The following SMYD3 variants were observed in gnomAD, a reference collection of about 807,000 sequenced individuals.
SMYD3 encodes the protein SET and MYND domain containing 3, also known as histone-lysine N-methyltransferase SMYD3.
SMYD3 carries 36 observed loss-of-function variants against 57.7 expected under a neutral mutation model. The observed-to-expected ratio is 0.62, with a 90% CI of 0.48 to 0.82. SMYD3 has a LOEUF of 0.82. Among genes scored for constraint, SMYD3 ranks in the 40% least tolerant of loss-of-function variants. The pLI, the probability that SMYD3 is intolerant of heterozygous loss-of-function variation, is 0.00. For synonymous variants in SMYD3, 211 were observed against 195.0 expected, an observed-to-expected ratio of 1.08 and a Z score of -0.68; for missense variants, 515 against 538.8, an observed-to-expected ratio of 0.96 and a Z score of 0.44.
chr1:246,139,828 TGGAAA>T (rs763041829), intron 5 of SMYD3, among the ~76,000 whole-genome samples: 4 of 152,220 alleles, frequency 2.6e-5, no homozygotes, highest in Non-Finnish European at 5.9e-5. Context: ...AGAATCCTGC[TGGAAA>T]GGAAAGAGCA....
intron 5 of SMYD3, among the ~76,000 whole-genome samples, chr1:246,267,525 G>A (rs1302749936): frequency 2.0e-5 from 3 of 152,158 alleles, no homozygotes; most frequent in African/African-American, 7.2e-5. Context: ...TCAAATGCCA[G>A]CAAACTGTTC....
intron 7 of SMYD3, among the ~76,000 whole-genome samples, chr1:245,918,414 T>A (rs911390705): frequency 6.6e-6 from 1 of 152,120 alleles, no homozygotes; most frequent in South Asian, 2.1e-4. Context: ...TTAAGGAGTG[T>A]CCGTAGCACC....
At chr1:245,824,593 C>T (rs1418759923) in intron 10 of SMYD3, among the ~76,000 whole-genome samples, 9 of 152,160 alleles carry the variant, frequency 5.9e-5, no homozygotes, top group African/African-American at 1.4e-4. Flanking sequence ...CGTTGGCTCA[C>T]GCCTGTAATC....
At chr1:245,897,253 C>A (rs1214792823) in intron 8 of SMYD3, among the ~76,000 whole-genome samples, 1 of 152,188 alleles carries the variant, frequency 6.6e-6, no homozygotes, top group Non-Finnish European at 1.5e-5. Context: ...TAAGGGAGCT[C>A]TAAGTTTAAA....
intron 5 of SMYD3, among the ~76,000 whole-genome samples, chr1:246,157,461 G>A (rs561755472): frequency 3.9e-5 from 6 of 152,126 alleles, no homozygotes; most frequent in Admixed American, 6.5e-5. Context: ...GGCATCATGG[G>A]TGGATCATCA....
intron 1 of SMYD3, among the ~76,000 whole-genome samples, chr1:246,378,664 C>CACAT (rs1381371241): frequency 1.3e-4 from 16 of 124,152 alleles, no homozygotes; most frequent in African/African-American, 4.7e-4. Context: ...TACACACACA[C>CACAT]ATATATATAT....
intron 5 of SMYD3, among the ~76,000 whole-genome samples, chr1:246,160,705 C>T (rs1423662083): frequency 6.6e-6 from 1 of 152,196 alleles, no homozygotes; most frequent in Non-Finnish European, 1.5e-5. Flanking sequence ...TTCCACATTA[C>T]CAGCAACACT....
In SMYD3 at chr1:246,267,728, A is replaced by T. The variant is rs559783360; in HGVS notation, c.531+59473T>A. 6.6e-5 allele frequency among the ~76,000 whole-genome samples: 10 copies of T among 152,326 alleles called. No homozygotes were observed. In the East Asian group the frequency reaches 1.9e-3, roughly 29 times the overall value. On this transcript the variant is annotated intron_variant, in intron 5 of 11. Coordinates refer to ENST00000490107, the MANE Select transcript of SMYD3 (RefSeq NM_001167740.2). ...CAGCCCCTTCCTGGATTACAACTCT[A>T]AGGCAGAGACTGCACCTTAGGTACG...
chr1:246,241,521 A>G (rs1298199738), intron 5 of SMYD3, among the ~76,000 whole-genome samples: 1 of 152,178 alleles, frequency 6.6e-6, no homozygotes, highest in Non-Finnish European at 1.5e-5. Flanking sequence ...TTTCTGCATC[A>G]ATATTCATCA....
At chr1:246,244,023 G>A (rs201817600) in intron 5 of SMYD3, among the ~76,000 whole-genome samples, 12,580 of 118,696 alleles carry the variant, frequency 0.11, 728 homozygotes, top group East Asian at 0.39. Context: ...ACATATATGT[G>A]TATATATATA....
intron 5 of SMYD3, among the ~76,000 whole-genome samples, chr1:246,073,194 C>A (rs1467300847): frequency 6.6e-6 from 1 of 152,064 alleles, no homozygotes; most frequent in East Asian, 1.9e-4. Flanking sequence ...CTGAGTGACT[C>A]CCATTAGTAT....
intron 5 of SMYD3, among the ~76,000 whole-genome samples, chr1:246,115,746 A>T (rs2061331969): frequency 6.6e-6 from 1 of 152,232 alleles, no homozygotes; most frequent in African/African-American, 2.4e-5. Flanking sequence ...TTATACAACT[A>T]GTGCTCATCA....
chr1:246,115,585 T>C (rs2061329831), intron 5 of SMYD3, among the ~76,000 whole-genome samples: 1 of 152,176 alleles, frequency 6.6e-6, no homozygotes, highest in South Asian at 2.1e-4. Context: ...AGTCGCAGCT[T>C]CAAGAGGACA....
chr1:246,352,442 C>G (rs757421452), intron 2 of SMYD3, among the ~76,000 whole-genome samples: 1 of 152,144 alleles, frequency 6.6e-6, no homozygotes, highest in Admixed American at 6.5e-5. Context: ...TTTAATTTTG[C>G]GTAGTTTTGT....
intron 10 of SMYD3, among the ~76,000 whole-genome samples, chr1:245,788,243 G>C (rs1478228321): frequency 6.6e-6 from 1 of 152,174 alleles, no homozygotes; most frequent in African/African-American, 2.4e-5. Flanking sequence ...ATGGAGTCCA[G>C]ATTAGCACAG....
intron 5 of SMYD3, among the ~76,000 whole-genome samples, chr1:246,161,886 T>C (rs907176797): frequency 4.6e-5 from 7 of 152,072 alleles, no homozygotes; most frequent in Non-Finnish European, 7.4e-5. Flanking sequence ...AGCCAAAAAC[T>C]CCTAGAAGTA....
chr1:246,071,891 A>T (rs200643984), intron 5 of SMYD3, among the ~76,000 whole-genome samples: 750 of 38,248 alleles, frequency 0.02, 3 homozygotes, highest in African/African-American at 0.036. Flanking sequence ...CTGTCGCTGC[A>T]TCGTGTTAGT....
chr1:245,950,213 G>A (rs909238043), intron 5 of SMYD3, among the ~76,000 whole-genome samples: 1 of 152,066 alleles, frequency 6.6e-6, no homozygotes, highest in Admixed American at 6.6e-5. Context: ...GTTAGGTGAG[G>A]TTAGCCAGAA....
At chr1:246,171,457 G>A (rs1298673353) in intron 5 of SMYD3, among the ~76,000 whole-genome samples, 2 of 152,058 alleles carry the variant, frequency 1.3e-5, no homozygotes, top group Non-Finnish European at 2.9e-5. Flanking sequence ...GAGAGTACTG[G>A]AGTCATGTCT....
Sources: allele counts gnomAD v4.1 joint callset (sites outside exome capture counted in the v4.1 genomes callset), GRCh38; gene constraint gnomAD v4.1.1; transcripts MANE v1.5; gene names NCBI Gene and HGNC (gene_info 2026-07-23, HGNC 2026-07-21).